Variants in SRPK2 observed in about 807,000 individuals in gnomAD.
SRPK2 encodes the protein SFRS protein kinase 2.
Under a neutral mutation model 90.8 loss-of-function variants are expected in SRPK2, and 21 were observed. The ratio of observed to expected loss-of-function variants is 0.23; its 90% CI spans 0.16 to 0.33. The LOEUF (loss-of-function observed/expected upper bound fraction) is 0.33, where lower values mean the gene tolerates loss of function less well. Among genes scored for constraint, SRPK2 ranks in the 10% least tolerant of loss-of-function variants. SRPK2 has a pLI of 1.00. For synonymous variants in SRPK2, 288 were observed against 311.1 expected (o/e 0.93, Z 0.78); for missense variants, 620 against 869.0 (o/e 0.71, Z 3.60).
chr7:105,182,448 C>T (rs1004943239), intron 3 of SRPK2, among the ~76,000 whole-genome samples: 2 of 136,758 alleles, frequency 1.5e-5, no homozygotes, highest in Non-Finnish European at 3.0e-5. Context: ...TGTTTCCCCC[C>T]CCGCCTTTTT....
At chr7:105,321,333 GACAA>G (rs1343943116) in intron 2 of SRPK2, among the ~76,000 whole-genome samples, 1 of 152,038 alleles carries the variant, frequency 6.6e-6, no homozygotes, top group Non-Finnish European at 1.5e-5. Context: ...ACTTAAAATC[GACAA>G]ACAACCTACA....
intron 2 of SRPK2, among the ~76,000 whole-genome samples, chr7:105,235,460 TTGTGTG>T (rs57638058): frequency 2.6e-5 from 4 of 150,944 alleles, no homozygotes; most frequent in South Asian, 4.2e-4. Flanking sequence ...TTGTCTGGGA[TTGTGTG>T]TGTGTGTGTG....
intron 2 of SRPK2, among the ~76,000 whole-genome samples, chr7:105,295,382 A>AG (rs1809670207): frequency 6.6e-6 from 1 of 152,126 alleles, no homozygotes; most frequent in Non-Finnish European, 1.5e-5. Flanking sequence ...CATACTAATT[A>AG]CATGAATAAG....
chr7:105,157,646 A>G (rs936003582), intron 7 of SRPK2, among the ~76,000 whole-genome samples: 3 of 152,202 alleles, frequency 2.0e-5, no homozygotes, highest in Non-Finnish European at 4.4e-5. Flanking sequence ...TTCCATTAAC[A>G]CTGCATATAA....
chr7:105,324,569 G>A (rs1451411271), intron 2 of SRPK2, among the ~76,000 whole-genome samples: 2 of 152,210 alleles, frequency 1.3e-5, no homozygotes, highest in Admixed American at 6.5e-5. Context: ...GCTGAGGACT[G>A]TTGCTGTTTT....
intron 7 of SRPK2, among the ~76,000 whole-genome samples, chr7:105,148,227 T>C (rs1804951641): frequency 6.6e-6 from 1 of 152,218 alleles, no homozygotes; most frequent in African/African-American, 2.4e-5. Context: ...AGTTTTGATC[T>C]ACATTTCCCT....
intron 2 of SRPK2, among the ~76,000 whole-genome samples, chr7:105,247,831 G>A (rs1290786955): frequency 1.3e-5 from 2 of 151,740 alleles, no homozygotes; most frequent in Non-Finnish European, 2.9e-5. Context: ...CAAAGTACTG[G>A]GATTATAGGG....
chr7:105,138,536 C>A (rs1803229059), intron 11 of SRPK2, among the ~76,000 whole-genome samples: 1 of 152,194 alleles, frequency 6.6e-6, no homozygotes, highest in African/African-American at 2.4e-5. Context: ...TGATGGCTCA[C>A]GCCTTTAATC....
At chr7:105,256,261 T>C (rs1803289882) in intron 2 of SRPK2, among the ~76,000 whole-genome samples, 1 of 152,226 alleles carries the variant, frequency 6.6e-6, no homozygotes, top group South Asian at 2.1e-4. Flanking sequence ...ATATTTACCA[T>C]AGGCTGAATC....
chr7:105,137,225 A>G (rs370156254), intron 11 of SRPK2, among the ~76,000 whole-genome samples: 1 of 152,326 alleles, frequency 6.6e-6, no homozygotes, highest in East Asian at 1.9e-4. Context: ...AACGGTGTAG[A>G]ATGAATTAGG....
At chr7:105,362,844 C>T (rs1818591626) in intron 2 of SRPK2, among the ~76,000 whole-genome samples, 1 of 152,174 alleles carries the variant, frequency 6.6e-6, no homozygotes, top group Admixed American at 6.6e-5. Context: ...GGCACATATA[C>T]ACCACGGAAT....
At chr7:105,322,096 G>A (rs1813002041) in intron 2 of SRPK2, among the ~76,000 whole-genome samples, 1 of 152,142 alleles carries the variant, frequency 6.6e-6, no homozygotes, top group Non-Finnish European at 1.5e-5. Flanking sequence ...TAGATACAAT[G>A]AAATACTATG....
At chr7:105,384,776 C>T (rs1821339773) in intron 2 of SRPK2, among the ~76,000 whole-genome samples, 1 of 152,110 alleles carries the variant, frequency 6.6e-6, no homozygotes, top group African/African-American at 2.4e-5. Context: ...TCTCAGGTGC[C>T]ACTCCTCACA....
chr7:105,163,759 C>T (rs898623224), intron 6 of SRPK2, among the ~76,000 whole-genome samples: 8 of 152,126 alleles, frequency 5.3e-5, no homozygotes, highest in Admixed American at 2.6e-4. Context: ...TGTGCTGAGC[C>T]GTGACTGCAC....
At chr7:105,312,622 A>G (rs1811845852) in intron 2 of SRPK2, among the ~76,000 whole-genome samples, 1 of 152,178 alleles carries the variant, frequency 6.6e-6, no homozygotes, top group Non-Finnish European at 1.5e-5. Flanking sequence ...AATCGTATGT[A>G]TCAACAAATA....
intron 3 of SRPK2, among the ~76,000 whole-genome samples, chr7:105,186,367 C>A (rs1317916048): frequency 1.3e-5 from 2 of 152,126 alleles, no homozygotes; most frequent in Non-Finnish European, 2.9e-5. Flanking sequence ...CTTTTGGAGT[C>A]CTCAGTGTCT....
At chr7:105,399,277 C>G (rs766483770) in exon 1 of SRPK2, 1 of 152,312 alleles carries the variant, frequency 6.6e-6, no homozygotes, top group Non-Finnish European at 1.5e-5. Context: ...AATTCACTTG[C>G]ATAGCTGTTG....
At chr7:105,343,921 C>G (rs1034457799) in intron 2 of SRPK2, among the ~76,000 whole-genome samples, 1 of 152,224 alleles carries the variant, frequency 6.6e-6, no homozygotes, top group South Asian at 2.1e-4. Context: ...CGCCACCACA[C>G]CCGGCTAATT....
At chr7:105,387,408 C>G (rs1821732561) in intron 2 of SRPK2, among the ~76,000 whole-genome samples, 1 of 152,124 alleles carries the variant, frequency 6.6e-6, no homozygotes, top group South Asian at 2.1e-4. Context: ...ACCAAAAATC[C>G]AGTCCATTTT....
Sources: allele counts gnomAD v4.1 joint callset (sites outside exome capture counted in the v4.1 genomes callset), GRCh38; gene constraint gnomAD v4.1.1; transcripts MANE v1.5; gene names NCBI Gene and HGNC (gene_info 2026-07-23, HGNC 2026-07-21).